The following PDE4DIP variants were observed in gnomAD, a reference collection of about 807,000 sequenced individuals.
PDE4DIP encodes myomegalin.
A neutral mutation model predicts 221.4 loss-of-function variants in PDE4DIP; 59 were observed. The observed-to-expected ratio is 0.27, with a 90% confidence interval of 0.22 to 0.33. The LOEUF (loss-of-function observed/expected upper bound fraction) is 0.33, where lower values mean the gene tolerates loss of function less well. Among genes scored for constraint, PDE4DIP ranks in the 10% least tolerant of loss-of-function variants. The probability of loss-of-function intolerance (pLI) is 1.00; values close to 1 mark genes in which losing one functional copy is unlikely to be tolerated. For missense variants in PDE4DIP, 1,036 were observed against 2,154.2 expected (o/e 0.48, Z 10.28); for synonymous variants, 404 against 815.9 (o/e 0.50, Z 8.60).
At chr1:148,985,647 C>T (rs769316307) in intron 21 of PDE4DIP, 1 of 152,156 alleles carries the variant, frequency 6.6e-6, no homozygotes, top group Non-Finnish European at 1.5e-5. Context: ...ACTAATTCTA[C>T]CCGTTTTCAA....
chr1:148,918,760 C>T (rs1553460226), intron 1 of PDE4DIP, among the ~76,000 whole-genome samples: 6 of 135,658 alleles, frequency 4.4e-5, no homozygotes, highest in East Asian at 2.1e-4. Context: ...CAAGGTAAAC[C>T]AGGCTGGGAA....
intron 21 of PDE4DIP, chr1:148,983,997 TGAAAA>T (rs1553546551): frequency 6.6e-6 from 1 of 152,060 alleles, no homozygotes; most frequent in African/African-American, 2.4e-5. Flanking sequence ...AGTATAGAGT[TGAAAA>T]GAACCTCCAA....
At position 149,023,800 on chromosome 1, in the gene PDE4DIP, A is replaced by G. The variant is rs371796091; in HGVS notation, c.6086-645A>G. ...TGTGTACATATATATGTACATGTAT[A>G]TGTGTGCACATATATATGTACATGT... On this transcript the variant is annotated intron_variant, in intron 37 of 43. Coordinates refer to ENST00000369354, the Ensembl canonical transcript of PDE4DIP. 1.9e-4 allele frequency among the ~76,000 whole-genome samples: 24 copies of G among 127,460 alleles called. 1 individual carries two copies. Among genetic ancestry groups the G allele is most frequent in the Admixed American group, 7.3e-4 (9 of 12,380 alleles). The allele number at this position is 127,460 out of a possible 152,430, so 83.6% of individuals were successfully genotyped here.
At chr1:149,010,054 A>T (rs1183176635) in intron 30 of PDE4DIP, among the ~76,000 whole-genome samples, 2 of 151,818 alleles carry the variant, frequency 1.3e-5, no homozygotes, top group African/African-American at 4.8e-5. Flanking sequence ...ATCACGGCAG[A>T]CTCTTCTTCC....
At chr1:148,937,137 T>A (rs1462426726) in intron 4 of PDE4DIP, among the ~76,000 whole-genome samples, 12 of 152,306 alleles carry the variant, frequency 7.9e-5, no homozygotes, top group Non-Finnish European at 1.5e-4. Flanking sequence ...TGCACTATGA[T>A]GTTACTGCAG....
intron 1 of PDE4DIP, among the ~76,000 whole-genome samples, chr1:148,923,535 G>A (rs1446545617): frequency 6.9e-5 from 10 of 145,146 alleles, no homozygotes; most frequent in African/African-American, 2.4e-4. Context: ...GTGCAGTGGC[G>A]CGATCTCGGC....
chr1:148,947,004 A>G (rs1430063295), intron 5 of PDE4DIP, among the ~76,000 whole-genome samples: 2 of 152,254 alleles, frequency 1.3e-5, no homozygotes, highest in African/African-American at 4.8e-5. Context: ...CACTAAATTT[A>G]ATTCAGTACC....
At chr1:149,012,721 C>T in exon 32 of PDE4DIP, 1 of 1,613,604 alleles carries the variant, frequency 6.2e-7, no homozygotes, top group South Asian at 1.1e-5. Flanking sequence ...CACCAGTGGT[C>T]TCCTTGGCTG....
chr1:148,869,706 AAG>A (rs1688416446), intron 3 of PDE4DIP, among the ~76,000 whole-genome samples: 2 of 77,956 alleles, frequency 2.6e-5, no homozygotes, highest in Non-Finnish European at 5.0e-5. Flanking sequence ...AAGTCTGTAC[AAG>A]AGAGCATGTC....
intron 21 of PDE4DIP, chr1:148,984,332 C>G (rs1490168745): frequency 6.6e-6 from 1 of 151,998 alleles, no homozygotes; most frequent in Non-Finnish European, 1.5e-5. Context: ...AGAGGAAATA[C>G]ATTTTTCCTT....
intron 13 of PDE4DIP, 115 bp downstream of exon 16, chr1:148,968,020 G>A (rs1553520603): frequency 1.8e-6 from 1 of 561,076 alleles, no homozygotes; most frequent in South Asian, 3.4e-5. Context: ...TTCATTCTGT[G>A]CCTGGGCAAG....
chr1:148,890,779 C>G (rs1339303003), intron 1 of PDE4DIP, among the ~76,000 whole-genome samples: 1 of 95,326 alleles, frequency 1.0e-5, no homozygotes, highest in Non-Finnish European at 1.9e-5. Context: ...AAAAAAAATT[C>G]GTACCAAAGG....
chr1:148,937,616 A>G, intron 4 of PDE4DIP, 131 bp from the exon 8 acceptor site: 1 of 594,650 alleles, frequency 1.7e-6, no homozygotes, highest in Non-Finnish European at 3.0e-6. Context: ...CAAATGTGTC[A>G]AAAGGTTCAA....
intron 5 of PDE4DIP, among the ~76,000 whole-genome samples, chr1:148,946,533 T>C (rs1199694081): frequency 1.5e-5 from 2 of 133,918 alleles, no homozygotes; most frequent in Non-Finnish European, 3.4e-5. Flanking sequence ...AGAGCAAGAC[T>C]TCGTCTCAAA....
intron 1 of PDE4DIP, among the ~76,000 whole-genome samples, chr1:148,822,542 G>A (rs1553362124): frequency 6.6e-6 from 1 of 151,396 alleles, no homozygotes; most frequent in African/African-American, 2.4e-5. Context: ...CCTGTCCATG[G>A]AAAAGTTGTC....
intron 32 of PDE4DIP, among the ~76,000 whole-genome samples, chr1:149,013,076 G>A (rs1285814375): frequency 6.6e-6 from 1 of 152,190 alleles, no homozygotes; most frequent in African/African-American, 2.4e-5. Flanking sequence ...CTGGTGGACT[G>A]CTCATTGGTT....
intron 14 of PDE4DIP, among the ~76,000 whole-genome samples, chr1:148,969,586 G>A (rs1317062997): frequency 6.6e-6 from 1 of 151,104 alleles, no homozygotes; most frequent in African/African-American, 2.4e-5. Context: ...TTTACTCTTA[G>A]TTTTTGTAAA....
chr1:148,961,111 C>T (rs2056818215), intron 6 of PDE4DIP, among the ~76,000 whole-genome samples: 1 of 152,062 alleles, frequency 6.6e-6, no homozygotes. Context: ...TCGAGACCAG[C>T]CTGGCCAACA....
chr1:148,949,707 T>C (rs1201535882), intron 5 of PDE4DIP, among the ~76,000 whole-genome samples: 2 of 152,248 alleles, frequency 1.3e-5, no homozygotes, highest in African/African-American at 4.8e-5. Flanking sequence ...CGTTTTATTA[T>C]CTACATACCA....
Sources: gnomAD v4.1 joint callset for allele counts (sites outside exome capture counted in the v4.1 genomes callset) on GRCh38, gnomAD v4.1.1 for gene constraint, MANE v1.5 for transcripts, NCBI Gene and HGNC (gene_info 2026-07-23, HGNC 2026-07-21) for gene names.